GRIK1: variants seen among roughly 807,000 people sequenced by gnomAD.
The protein encoded by GRIK1 is glutamate ionotropic receptor kainate type subunit 1, also known as glutamate receptor ionotropic, kainate 1.
A neutral mutation model predicts 105.7 loss-of-function variants in GRIK1; 69 were observed. That is an observed-to-expected ratio of 0.65 (90% CI 0.54 to 0.80). The LOEUF is 0.80. GRIK1 is among the 30% of genes least tolerant of loss of function. The probability of loss-of-function intolerance (pLI) is 0.00; values close to 1 mark genes in which losing one functional copy is unlikely to be tolerated. For synonymous variants in GRIK1, 438 were observed against 431.3 expected (o/e 1.02, Z -0.19); for missense variants, 1,109 against 1,167.3 (o/e 0.95, Z 0.73).
chr21:29,799,725 T>A (rs2066652526), intron 1 of GRIK1, among the ~76,000 whole-genome samples: 1 of 152,146 alleles, frequency 6.6e-6, no homozygotes, highest in Non-Finnish European at 1.5e-5. Flanking sequence ...AGACAGGATT[T>A]CACTATGTCG....
chr21:29,588,796 T>C, intron 11 of GRIK1, 43 bp downstream of exon 11: 2 of 1,032,174 alleles, frequency 1.9e-6, no homozygotes, highest in Non-Finnish European at 3.0e-6. Context: ...TCTTACTTTC[T>C]CTTATGCATA....
chr21:29,573,925 A>C (rs768000298), intron 14 of GRIK1, among the ~76,000 whole-genome samples: 2 of 151,792 alleles, frequency 1.3e-5, no homozygotes, highest in Admixed American at 6.6e-5. Context: ...GAGCATCTCT[A>C]TTCTGAAAAA....
intron 16 of GRIK1, among the ~76,000 whole-genome samples, chr21:29,543,666 T>A (rs770054379): frequency 6.6e-6 from 1 of 152,150 alleles, no homozygotes; most frequent in Non-Finnish European, 1.5e-5. Flanking sequence ...ATAGTGGTTA[T>A]GTTGATTTGT....
At chr21:29,715,020 G>A (rs1020716611) in intron 1 of GRIK1, among the ~76,000 whole-genome samples, 6 of 152,186 alleles carry the variant, frequency 3.9e-5, no homozygotes, top group African/African-American at 9.6e-5. Context: ...ATAAGCAGTA[G>A]TGAATTGTAG....
intron 1 of GRIK1, among the ~76,000 whole-genome samples, chr21:29,892,735 C>T (rs748412341): frequency 5.3e-5 from 8 of 152,334 alleles, no homozygotes; most frequent in Admixed American, 3.3e-4. Flanking sequence ...GGATGAGTTA[C>T]GTGATGACAG....
intron 1 of GRIK1, among the ~76,000 whole-genome samples, chr21:29,708,916 G>A (rs1425083599): frequency 2.0e-5 from 3 of 152,056 alleles, no homozygotes; most frequent in South Asian, 4.2e-4. Context: ...AAATATAATT[G>A]CTATTGGGTT....
At chr21:29,732,536 A>G (rs1000222292) in intron 1 of GRIK1, among the ~76,000 whole-genome samples, 2 of 152,196 alleles carry the variant, frequency 1.3e-5, no homozygotes, top group Non-Finnish European at 2.9e-5. Flanking sequence ...CCAGTAGATT[A>G]ATTTTTGAGT....
intron 1 of GRIK1, among the ~76,000 whole-genome samples, chr21:29,812,993 G>T (rs558769745): frequency 6.6e-6 from 1 of 152,094 alleles, no homozygotes; most frequent in Non-Finnish European, 1.5e-5. Flanking sequence ...TACAGGAGAC[G>T]TTGCAGCCTT....
Position 29,744,936 on chromosome 21 carries a change from G to A in GRIK1, c.119-50873C>T, listed in dbSNP as rs959847317. Among the ~76,000 whole-genome samples the A allele has an allele frequency of 2.0e-5, 3 of 152,148 alleles. 1 individual carries two copies. The highest frequency in any genetic ancestry group is 1.3e-4 in the Admixed American group (2 of 15,278). ...GAAACGTAGTCACTTGTTGTGACGG[G>A]CAGTCTTTAGGGTGGCCTCCAATGA... On this transcript the variant is annotated intron_variant, in intron 1 of 17. Coordinates refer to ENST00000327783, the MANE Select transcript of GRIK1 (RefSeq NM_001330994.2).
intron 15 of GRIK1, among the ~76,000 whole-genome samples, chr21:29,557,103 T>C (rs754772789): frequency 8.5e-5 from 13 of 152,188 alleles, no homozygotes; most frequent in Non-Finnish European, 1.8e-4. Flanking sequence ...AGCTTCTCAA[T>C]ACTGGATTTT....
At chr21:29,596,357 G>T in intron 9 of GRIK1, 169 bp downstream of exon 9, 1 of 736,762 alleles carries the variant, frequency 1.4e-6, no homozygotes, top group Non-Finnish European at 2.5e-6. Context: ...AGGTGATGTT[G>T]TTGAGAGAGA....
intron 1 of GRIK1, among the ~76,000 whole-genome samples, chr21:29,733,503 A>T (rs1471340531): frequency 6.6e-6 from 1 of 150,882 alleles, no homozygotes; most frequent in East Asian, 1.9e-4. Flanking sequence ...TAATCCCCTA[A>T]TTTTTTTTTC....
chr21:29,880,937 A>T (rs1448832953), intron 1 of GRIK1, among the ~76,000 whole-genome samples: 1 of 152,138 alleles, frequency 6.6e-6, no homozygotes, highest in African/African-American at 2.4e-5. Flanking sequence ...CTAGGTGATA[A>T]GGTGAAGATC....
intron 1 of GRIK1, among the ~76,000 whole-genome samples, chr21:29,800,042 A>G (rs2066660915): frequency 1.3e-5 from 2 of 152,224 alleles, no homozygotes. Context: ...GGAGTCTCCT[A>G]GGGTCATAAC....
At chr21:29,656,169 T>C (rs1397683344) in intron 4 of GRIK1, among the ~76,000 whole-genome samples, 2 of 151,520 alleles carry the variant, frequency 1.3e-5, no homozygotes, top group Non-Finnish European at 2.9e-5. Context: ...GAGACCATCC[T>C]GGTTAACACG....
In GRIK1 at chr21:29,537,389, G is replaced by C. The variant is rs1411460275; in HGVS notation, c.2695-4C>G. ...TGATAGCGTTGAAAGAGAGACACTA[G>C]GGAACATGAGATACAGACCATCAGC... On this transcript the variant is annotated splice_region_variant and splice_polypyrimidine_tract_variant and intron_variant, in intron 17 of 17. Coordinates refer to ENST00000327783, the MANE Select transcript of GRIK1 (RefSeq NM_001330994.2). 6.2e-7 allele frequency: 1 copy of C among 1,605,982 alleles called. No homozygotes were observed. The highest frequency in any genetic ancestry group is 1.7e-5 in the Admixed American group (1 of 59,108).
intron 7 of GRIK1, among the ~76,000 whole-genome samples, chr21:29,614,097 T>A (rs1483089459): frequency 1.3e-5 from 2 of 152,060 alleles, no homozygotes; most frequent in Non-Finnish European, 2.9e-5. Context: ...CAAGTTTTTT[T>A]CCCCCATCGT....
Position 29,729,348 on chromosome 21 carries a change from G to A in GRIK1, c.119-35285C>T, listed in dbSNP as rs773971431. ...AGGTAGGAGGTGGAGAATCTTGGCA[G>A]CAGTGGCACCCTTTGGAAGCCTGCC... On this transcript the variant is annotated intron_variant, in intron 1 of 17. Transcript: ENST00000327783. Among the ~76,000 whole-genome samples the A allele has an allele frequency of 2.6e-5, 4 of 152,232 alleles. 1 individual carries two copies. The South Asian group carries it at 6.2e-4, about 24-fold the overall frequency.
intron 4 of GRIK1, among the ~76,000 whole-genome samples, chr21:29,672,056 CTTT>C (rs57589929): frequency 5.3e-5 from 7 of 131,606 alleles, no homozygotes; most frequent in Admixed American, 7.7e-5. Context: ...TCTGAATTTA[CTTT>C]TTTTTTTTTT....
Sources: allele counts gnomAD v4.1 joint callset (sites outside exome capture counted in the v4.1 genomes callset), GRCh38; gene constraint gnomAD v4.1.1; transcripts MANE v1.5; gene names NCBI Gene and HGNC (gene_info 2026-07-23, HGNC 2026-07-21).